GGTA1: variants seen among roughly 807,000 people sequenced by gnomAD.
GGTA1 encodes the protein glycoprotein alpha-galactosyltransferase 1 (inactive).
Under a neutral mutation model 2.6 loss-of-function variants are expected in GGTA1, and 5 were observed. The observed-to-expected ratio is 1.92, with a 90% confidence interval of 1.00 to 4.04. The LOEUF is 4.04. Ranked by LOEUF, GGTA1 falls within the 30% of genes most tolerant of loss-of-function variation. The probability of loss-of-function intolerance (pLI) is 0.00; values close to 1 mark genes in which losing one functional copy is unlikely to be tolerated. For synonymous variants in GGTA1, 17 were observed against 5.0 expected (o/e 3.38, Z -3.19); for missense variants, 50 against 16.7 (o/e 2.99, Z -3.47).
chr9:121,468,179 C>A (rs1476526896), intron 1 of GGTA1, among the ~76,000 whole-genome samples: 2 of 152,278 alleles, frequency 1.3e-5, no homozygotes, highest in Non-Finnish European at 2.9e-5. Context: ...AGCCCCCCAT[C>A]CCCTGACAGG....
Position 121,483,033 on chromosome 9 carries a change from C to T in GGTA1, c.-9-15102G>A, listed in dbSNP as rs542690095. Among the ~76,000 whole-genome samples, 12 of 152,240 alleles carry T rather than the reference C, an allele frequency of 7.9e-5. No homozygotes were observed. The South Asian group carries it at 1.7e-3, about 21-fold the overall frequency. ...TGGGGAAGGGAAGGAAAATTGATTTCGAAACCTAAAGAGCTAGGATGAGAT... is the reference window on the plus strand; with the variant it reads ...TGGGGAAGGGAAGGAAAATTGATTTTGAAACCTAAAGAGCTAGGATGAGAT... On this transcript the variant is annotated intron_variant, in intron 1 of 5. Transcript: ENST00000481799.
At chr9:121,459,422 C>A (rs2064941418) in intron 5 of GGTA1, among the ~76,000 whole-genome samples, 1 of 152,194 alleles carries the variant, frequency 6.6e-6, no homozygotes, top group Admixed American at 6.5e-5. Context: ...GGTGACAGAG[C>A]AAGATCCTGT....
chr9:121,493,618 C>T (rs1828920548), intron 1 of GGTA1, among the ~76,000 whole-genome samples: 1 of 151,566 alleles, frequency 6.6e-6, no homozygotes, highest in Non-Finnish European at 1.5e-5. Context: ...TTACTGTCAA[C>T]CCATTCTGAT....
intron 1 of GGTA1, among the ~76,000 whole-genome samples, chr9:121,470,884 A>G (rs1828373491): frequency 6.6e-6 from 1 of 152,266 alleles, no homozygotes; most frequent in African/African-American, 2.4e-5. Context: ...GAGTAATAAT[A>G]AAACTTCAGT....
At chr9:121,464,870 T>C (rs566896310) in intron 2 of GGTA1, among the ~76,000 whole-genome samples, 2 of 152,330 alleles carry the variant, frequency 1.3e-5, no homozygotes, top group Middle Eastern at 3.4e-3. Context: ...TATTTACTAA[T>C]TGGTTGACAT....
chr9:121,491,447 C>A (rs1411734463), intron 1 of GGTA1, among the ~76,000 whole-genome samples: 1 of 152,150 alleles, frequency 6.6e-6, no homozygotes, highest in Non-Finnish European at 1.5e-5. Context: ...CTCCTTGCTT[C>A]TTCCCTCTGC....
chr9:121,464,324 G>GTTTTTT (rs10681377), intron 2 of GGTA1, among the ~76,000 whole-genome samples: 19 of 111,894 alleles, frequency 1.7e-4, no homozygotes, highest in East Asian at 2.7e-4. Context: ...CCTCCTTGAG[G>GTTTTTT]TTTTTTTTTT....
chr9:121,488,712 C>T (rs1344801325), intron 1 of GGTA1, among the ~76,000 whole-genome samples: 5 of 150,876 alleles, frequency 3.3e-5, no homozygotes, highest in African/African-American at 9.8e-5. Context: ...AGTGAAACTC[C>T]GTCTCAAAAA....
chr9:121,462,113 C>T (rs927377160), intron 3 of GGTA1, among the ~76,000 whole-genome samples: 9 of 152,200 alleles, frequency 5.9e-5, no homozygotes, highest in Admixed American at 3.9e-4. Flanking sequence ...CACCTGAGGT[C>T]AGGCGTTCAA....
At chr9:121,484,455 T>C (rs1048591511) in intron 1 of GGTA1, among the ~76,000 whole-genome samples, 1 of 152,134 alleles carries the variant, frequency 6.6e-6, no homozygotes. Context: ...AGCTAATTTT[T>C]GTATTTTTAG....
chr9:121,492,573 A>C (rs1266688114), intron 1 of GGTA1, among the ~76,000 whole-genome samples: 1 of 152,150 alleles, frequency 6.6e-6, no homozygotes, highest in Non-Finnish European at 1.5e-5. Flanking sequence ...TCCCGGGTTC[A>C]AGTGATTCTC....
chr9:121,479,018 G>A (rs1437018006), intron 1 of GGTA1: 6 of 452,634 alleles, frequency 1.3e-5, no homozygotes, highest in Non-Finnish European at 2.7e-5. Flanking sequence ...CAGCTTGGCT[G>A]CAGCCCTGTG....
intron 1 of GGTA1, among the ~76,000 whole-genome samples, chr9:121,474,032 G>A (rs538592759): frequency 2.4e-4 from 36 of 151,610 alleles, no homozygotes; most frequent in African/African-American, 8.7e-4. Context: ...GAAAAGAAAG[G>A]AAAGAAAGAA....
At chr9:121,464,806 A>G (rs1225859326) in intron 2 of GGTA1, among the ~76,000 whole-genome samples, 1 of 152,170 alleles carries the variant, frequency 6.6e-6, no homozygotes, top group African/African-American at 2.4e-5. Context: ...CCAGCCTGAA[A>G]TCAAATGCTA....
At chr9:121,451,766 A>G (rs767471256), downstream of GGTA1, among the ~76,000 whole-genome samples, 11 of 152,312 alleles carry the variant, frequency 7.2e-5, no homozygotes, top group African/African-American at 2.4e-4. Flanking sequence ...GCCGTAGAGC[A>G]TAGGAAAAAG....
intron 1 of GGTA1, among the ~76,000 whole-genome samples, chr9:121,479,602 C>T (rs1245253625): frequency 6.6e-6 from 1 of 152,128 alleles, no homozygotes; most frequent in Non-Finnish European, 1.5e-5. Context: ...AGGGGGCCCA[C>T]ATCACACACT....
chr9:121,453,010 A>T (rs930402440), downstream of GGTA1, among the ~76,000 whole-genome samples: 5 of 152,182 alleles, frequency 3.3e-5, no homozygotes, highest in African/African-American at 1.2e-4. Context: ...GCCTAAGGAG[A>T]TCCTAAGCCT....
chr9:121,474,794 G>T (rs1261305609), intron 1 of GGTA1, among the ~76,000 whole-genome samples: 1 of 151,990 alleles, frequency 6.6e-6, no homozygotes. Flanking sequence ...CAGGAATCCG[G>T]CAGGGTGAAA....
intron 1 of GGTA1, among the ~76,000 whole-genome samples, chr9:121,480,431 G>A (rs918032285): frequency 1.3e-5 from 2 of 152,072 alleles, no homozygotes; most frequent in East Asian, 3.9e-4. Context: ...GAATCCCCAC[G>A]ACCTGAAACA....
Sources: gnomAD v4.1 joint callset for allele counts (sites outside exome capture counted in the v4.1 genomes callset) on GRCh38, gnomAD v4.1.1 for gene constraint, MANE v1.5 for transcripts, NCBI Gene and HGNC (gene_info 2026-07-23, HGNC 2026-07-21) for gene names.